Variants in EPHA3 observed in about 807,000 individuals in gnomAD.
EPHA3 encodes the protein EPH receptor A3.
A neutral mutation model predicts 107.1 loss-of-function variants in EPHA3; 42 were observed. The ratio of observed to expected loss-of-function variants is 0.39; its 90% CI spans 0.31 to 0.51. The LOEUF (loss-of-function observed/expected upper bound fraction) is 0.51. Among genes scored for constraint, EPHA3 ranks in the 20% least tolerant of loss-of-function variants. The probability of loss-of-function intolerance (pLI) is 0.78; values close to 1 mark genes in which losing one functional copy is unlikely to be tolerated. For synonymous variants in EPHA3, 461 were observed against 424.8 expected, an observed-to-expected ratio of 1.09 and a Z score of -1.05; for missense variants, 1,183 against 1,211.2, an observed-to-expected ratio of 0.98 and a Z score of 0.35.
At chr3:89,268,034 T>C (rs1312360537) in intron 3 of EPHA3, among the ~76,000 whole-genome samples, 4 of 152,166 alleles carry the variant, frequency 2.6e-5, no homozygotes, top group African/African-American at 9.6e-5. Flanking sequence ...GTTACAATGA[T>C]GCAAAAGATA....
chr3:89,404,846 C>T (rs1289267609), intron 7 of EPHA3, among the ~76,000 whole-genome samples: 1 of 152,088 alleles, frequency 6.6e-6, no homozygotes, highest in African/African-American at 2.4e-5. Flanking sequence ...TCAAAATAAC[C>T]ACAGAATTCA....
intron 11 of EPHA3, among the ~76,000 whole-genome samples, chr3:89,422,919 T>A (rs1429839764): frequency 6.6e-6 from 1 of 151,118 alleles, no homozygotes; most frequent in African/African-American, 2.4e-5. Context: ...GGTGAGAGAG[T>A]CTCTGATCTT....
At chr3:89,402,597 G>T (rs1365229127) in intron 7 of EPHA3, among the ~76,000 whole-genome samples, 1 of 151,794 alleles carries the variant, frequency 6.6e-6, no homozygotes, top group African/African-American at 2.4e-5. Flanking sequence ...ACTCTTATTT[G>T]TTATATATTG....
chr3:89,321,840 T>C (rs1016274668), intron 3 of EPHA3, among the ~76,000 whole-genome samples: 1 of 152,138 alleles, frequency 6.6e-6, no homozygotes, highest in Non-Finnish European at 1.5e-5. Context: ...AGCATTAAGC[T>C]TCTTGATAAA....
intron 3 of EPHA3, among the ~76,000 whole-genome samples, chr3:89,277,471 ATCT>A (rs983377682): frequency 6.6e-6 from 1 of 152,278 alleles, no homozygotes; most frequent in African/African-American, 2.4e-5. Flanking sequence ...TCAAAGATAA[ATCT>A]TCTCCACAAA....
At chr3:89,473,475 T>C (rs1710446325) in intron 16 of EPHA3, among the ~76,000 whole-genome samples, 1 of 152,210 alleles carries the variant, frequency 6.6e-6, no homozygotes, top group Non-Finnish European at 1.5e-5. Context: ...AATTAAGAGT[T>C]GGAAGTCACA....
chr3:89,428,427 G>T (rs1386161046), intron 11 of EPHA3, among the ~76,000 whole-genome samples: 1 of 151,972 alleles, frequency 6.6e-6, no homozygotes, highest in Non-Finnish European at 1.5e-5. Flanking sequence ...AGGTTTCATG[G>T]TATTTTAGGC....
At chr3:89,309,354 T>C (rs1037037808) in intron 3 of EPHA3, among the ~76,000 whole-genome samples, 7 of 152,120 alleles carry the variant, frequency 4.6e-5, no homozygotes, top group African/African-American at 1.7e-4. Flanking sequence ...TTTAGGAAAG[T>C]TGTATCTTGA....
At chr3:89,357,524 G>A (rs944852553) in intron 5 of EPHA3, among the ~76,000 whole-genome samples, 1 of 151,104 alleles carries the variant, frequency 6.6e-6, no homozygotes, top group Admixed American at 6.6e-5. Flanking sequence ...TGTGGGCAAA[G>A]TTCGTCTATC....
intron 3 of EPHA3, among the ~76,000 whole-genome samples, chr3:89,215,802 A>G (rs1704209449): frequency 6.6e-6 from 1 of 151,832 alleles, no homozygotes; most frequent in Non-Finnish European, 1.5e-5. Context: ...AATCTCACCA[A>G]TTCTGTTCAG....
intron 3 of EPHA3, among the ~76,000 whole-genome samples, chr3:89,215,143 CT>C (rs1704194701): frequency 6.6e-6 from 1 of 151,800 alleles, no homozygotes; most frequent in Admixed American, 6.6e-5. Flanking sequence ...TATCTATTTA[CT>C]TTGCTTTAGG....
intron 3 of EPHA3, among the ~76,000 whole-genome samples, chr3:89,219,185 T>C (rs1704288859): frequency 6.6e-6 from 1 of 151,856 alleles, no homozygotes; most frequent in Non-Finnish European, 1.5e-5. Flanking sequence ...TTTTTCGAGA[T>C]GGAGTTTTGC....
intron 2 of EPHA3, among the ~76,000 whole-genome samples, chr3:89,199,451 A>G (rs1188491721): frequency 1.3e-5 from 2 of 152,166 alleles, no homozygotes; most frequent in South Asian, 2.1e-4. Flanking sequence ...AGCACACTTC[A>G]TTGAAACTTC....
chr3:89,171,950 G>A (rs1705219304), intron 2 of EPHA3, among the ~76,000 whole-genome samples: 1 of 152,108 alleles, frequency 6.6e-6, no homozygotes, highest in Non-Finnish European at 1.5e-5. Context: ...TTGGGTGGAA[G>A]GCTTAAAAAG....
chr3:89,479,377 AT>A lies in EPHA3; in HGVS notation c.2847-18del, dbSNP rs1242954416. On this transcript the variant is annotated intron_variant, in intron 16 of 16. Transcript: ENST00000336596. ...CACTATCGAGGAAACCGATTCTTAT[AT>A]TGTTTTCTTTTTTTACAGTGACATG... 6 of 1,599,990 alleles carry A rather than the reference AT, an allele frequency of 3.8e-6. No individual in the cohort carries two copies. The highest frequency in any genetic ancestry group is 5.1e-6 in the Non-Finnish European group (6 of 1,167,288).
rs187189147 is a variant in EPHA3, at chr3:89,390,350, G to A, written c.1307-5487G>A. 9.2e-5 allele frequency among the ~76,000 whole-genome samples: 14 copies of A among 152,244 alleles called. No homozygotes were observed. The East Asian group carries it at 2.7e-3, about 30-fold the overall frequency. On this transcript the variant is annotated intron_variant, in intron 5 of 16. Coordinates refer to ENST00000336596, the MANE Select transcript of EPHA3 (RefSeq NM_005233.6). ...GTGGTGGCTCATGCCTGTAATGCTA[G>A]CACTTTGGGAGGCCAAGGCAAACAG...
rs1408653697 is a variant in EPHA3 at position 89,443,074 on chromosome 3, C to T, written c.2347-6151C>T. Among the ~76,000 whole-genome samples, 5 of 152,110 alleles carry T rather than the reference C, an allele frequency of 3.3e-5. No individual in the cohort carries two copies. The South Asian group carries it at 1.0e-3, about 32-fold the overall frequency. Reference sequence around the variant, plus strand: ...TATTTTAGTCAGTATATAAGTCTTACCCTTGTGTAATTTTTTTAATGTTTT... The same window carrying T: ...TATTTTAGTCAGTATATAAGTCTTATCCTTGTGTAATTTTTTTAATGTTTT... On this transcript the variant is annotated intron_variant, in intron 13 of 16. Coordinates refer to ENST00000336596, the MANE Select transcript of EPHA3 (RefSeq NM_005233.6).
At chr3:89,278,150 C>T (rs1705855512) in intron 3 of EPHA3, among the ~76,000 whole-genome samples, 1 of 152,132 alleles carries the variant, frequency 6.6e-6, no homozygotes, top group Admixed American at 6.6e-5. Flanking sequence ...AGTTTTACCC[C>T]AAAGGCTAGT....
At chr3:89,342,932 A>G (rs540054111) in intron 5 of EPHA3, among the ~76,000 whole-genome samples, 2 of 152,002 alleles carry the variant, frequency 1.3e-5, no homozygotes, top group South Asian at 4.2e-4. Flanking sequence ...GAGAGAGACA[A>G]GATGCCACTC....
Sources: allele counts gnomAD v4.1 joint callset (sites outside exome capture counted in the v4.1 genomes callset), GRCh38; gene constraint gnomAD v4.1.1; transcripts MANE v1.5; gene names NCBI Gene and HGNC (gene_info 2026-07-23, HGNC 2026-07-21).